RC3H2: variants seen among roughly 807,000 people sequenced by gnomAD.
RC3H2 encodes roquin-2.
A neutral mutation model predicts 133.3 loss-of-function variants in RC3H2; 31 were observed. The ratio of observed to expected loss-of-function variants is 0.23; its 90% CI spans 0.17 to 0.31. RC3H2 has a LOEUF of 0.31. Ranked by LOEUF, RC3H2 falls within the 10% of genes least tolerant of loss-of-function variation. The pLI is 1.00. For synonymous variants in RC3H2, 517 were observed against 502.2 expected, an observed-to-expected ratio of 1.03 and a Z score of -0.40; for missense variants, 1,175 against 1,437.2, an observed-to-expected ratio of 0.82 and a Z score of 2.95.
At chr9:122,865,291 T>G in intron 10 of RC3H2, 58 bp downstream of exon 10, 2 of 1,418,194 alleles carry the variant, frequency 1.4e-6, no homozygotes, top group Non-Finnish European at 1.9e-6. Context: ...ATAAAAACAC[T>G]CAGGCATTTC....
At position 122,897,466 on chromosome 9, in the gene RC3H2, G is replaced by A; in HGVS notation, c.44C>T (p.Pro15Leu). Residue 15 changes from proline to leucine, a missense_variant, in exon 2 of 21, where the codon CCA (proline) becomes CTA (leucine). Pro to Leu is a moderately conservative substitution (Grantham distance 98). This residue lies in a region of RC3H2 where 41 missense variants were observed against 88.0 expected (regional missense o/e 0.47). Coordinates refer to ENST00000357244, the MANE Select transcript of RC3H2 (RefSeq NM_001100588.3). ...AAQWTEFLSC[P>L]ICYNEFDENV... ...CTCATCAAATTCATTATAGCAGATTGGACAGGACAGAAATTCTGTCCATTG... is the reference window on the plus strand; with the variant it reads ...CTCATCAAATTCATTATAGCAGATTAGACAGGACAGAAATTCTGTCCATTG... 1 of 1,614,118 alleles carries A rather than the reference G, an allele frequency of 6.2e-7. No individual in the cohort carries two copies. The highest frequency in any genetic ancestry group is 8.5e-7 in the Non-Finnish European group (1 of 1,179,994).
At chr9:122,862,667 G>A (rs1229106850) in intron 10 of RC3H2, among the ~76,000 whole-genome samples, 1 of 152,114 alleles carries the variant, frequency 6.6e-6, no homozygotes, top group African/African-American at 2.4e-5. Context: ...GGCCAAGGCG[G>A]GCAGATCACT....
rs530711292 is a variant in RC3H2, at chr9:122,858,958, T to C, written c.1994A>G (p.Asp665Gly). The C allele has an allele frequency of 7.1e-5, 114 of 1,614,054 alleles. No individual in the cohort carries two copies. In the East Asian group the frequency reaches 1.8e-3, roughly 26 times the overall value. Residue 665 changes from aspartate (D) to glycine (G), a missense_variant, in exon 12 of 21, where the codon GAT becomes GGT. Physicochemically the swap from Asp to Gly is moderately conservative, Grantham distance 94. Transcript: ENST00000357244. ...CTGGTAAGGAGAAGAATTCATTCGA[T>C]CTCGAGGGGAAAATGTACTGTAATG... Reference protein sequence around the residue: ...ADHYSTFSPRDRMNSSPYQPP... With the variant: ...ADHYSTFSPRGRMNSSPYQPP...
At chr9:122,880,354 GAT>G in intron 6 of RC3H2, 1 of 751,064 alleles carries the variant, frequency 1.3e-6, no homozygotes, top group South Asian at 1.5e-5. Flanking sequence ...TCAGAATATA[GAT>G]AAATTTGAGA....
At chr9:122,852,504 T>G (rs1284143219) in intron 18 of RC3H2, among the ~76,000 whole-genome samples, 2 of 87,340 alleles carry the variant, frequency 2.3e-5, no homozygotes, top group African/African-American at 4.7e-5. Context: ...CCCCTCTGCC[T>G]AGCCAGCCGC....
intron 18 of RC3H2, among the ~76,000 whole-genome samples, chr9:122,852,664 T>C (rs542510741): frequency 3.9e-4 from 55 of 141,974 alleles, no homozygotes; most frequent in African/African-American, 5.3e-4. Context: ...CCAGCCGCCC[T>C]GTCCGGGAGG....
intron 1 of RC3H2, among the ~76,000 whole-genome samples, chr9:122,902,848 CAAA>C (rs56346835): frequency 2.4e-5 from 2 of 84,530 alleles, no homozygotes; most frequent in Non-Finnish European, 5.4e-5. Context: ...GAGACTGTCT[CAAA>C]AAAAAAAAAA....
At chr9:122,854,736 C>T (rs1425041497) in intron 15 of RC3H2, 121 bp from the exon 16 acceptor site, 1 of 692,664 alleles carries the variant, frequency 1.4e-6, no homozygotes, top group East Asian at 2.7e-5. Flanking sequence ...GCTGGTTAAA[C>T]ACCTAATTCT....
chr9:122,868,298 A>C (rs2131420082), intron 9 of RC3H2, among the ~76,000 whole-genome samples: 1 of 152,366 alleles, frequency 6.6e-6, no homozygotes, highest in African/African-American at 2.4e-5. Context: ...GTGGAATAGA[A>C]AGGGGGCAAA....
intron 9 of RC3H2, among the ~76,000 whole-genome samples, chr9:122,872,572 A>AG (rs1831145298): frequency 6.6e-6 from 1 of 152,190 alleles, no homozygotes. Context: ...CATCTTGAAT[A>AG]GTAACCAGTA....
At chr9:122,855,018 G>T (rs1823449) in intron 15 of RC3H2, among the ~76,000 whole-genome samples, 166 bp downstream of exon 15, 32,718 of 151,722 alleles carry the variant, frequency 0.22, 4,975 homozygotes, top group East Asian at 0.65. Context: ...GGGAGGCTGA[G>T]GCAGGAGAAT....
At chr9:122,893,669 T>C (rs1323787005) in intron 2 of RC3H2, among the ~76,000 whole-genome samples, 2 of 152,196 alleles carry the variant, frequency 1.3e-5, no homozygotes, top group African/African-American at 4.8e-5. Context: ...GTTCTCTGAA[T>C]AGTATTTTTT....
chr9:122,876,729 AAAC>A (rs1831355985), intron 9 of RC3H2, among the ~76,000 whole-genome samples: 1 of 152,194 alleles, frequency 6.6e-6, no homozygotes, highest in Non-Finnish European at 1.5e-5. Context: ...TTAAAAAACA[AAAC>A]AACAAAAATT....
In RC3H2 at chr9:122,859,074, T is replaced by G; in HGVS notation, c.1878A>C (p.Pro626=). ...TGYYPPPPTV[P]AGVAPCVPRF... ...GAGGAACACAGGGAGCCACACCAGCTGGTACCGTTGGAGGTGGTGGATAGT... is the reference window on the plus strand; with the variant it reads ...GAGGAACACAGGGAGCCACACCAGCGGGTACCGTTGGAGGTGGTGGATAGT... The change falls in exon 12 of 21, where the codon CCA becomes CCC. Residue 626 remains proline (P), a synonymous_variant. Coordinates refer to ENST00000357244, the MANE Select transcript of RC3H2 (RefSeq NM_001100588.3). The G allele has an allele frequency of 1.9e-6, 3 of 1,593,624 alleles. No individual in the cohort carries two copies. Among genetic ancestry groups the G allele is most frequent in the Non-Finnish European group, 2.6e-6 (3 of 1,167,190 alleles).
At position 122,897,024 on chromosome 9, in the gene RC3H2, T is replaced by TAA. The variant is rs139505008; in HGVS notation, c.231+253_231+254dup. On this transcript the variant is annotated intron_variant, in intron 2 of 20. Coordinates refer to ENST00000357244, the MANE Select transcript of RC3H2 (RefSeq NM_001100588.3). ...CTGGGTGACAGAGTGAGACTCTGTC[T>TAA]AAAAAAAAAAAAAAAAAAAAAAAAA... Among the ~76,000 whole-genome samples the TAA allele has an allele frequency of 2.9e-3, 109 of 37,050 alleles. 6 individuals are homozygous for TAA. The highest frequency in any genetic ancestry group is 8.3e-3 in the African/African-American group (87 of 10,466). The allele number at this position is 37,050 out of a possible 152,430, so 24.3% of individuals were successfully genotyped here.
intron 4 of RC3H2, among the ~76,000 whole-genome samples, chr9:122,889,034 C>T (rs987137768): frequency 1.3e-5 from 2 of 152,094 alleles, no homozygotes; most frequent in Non-Finnish European, 2.9e-5. Flanking sequence ...GTATTTCTTG[C>T]ATCTTTTGTC....
chr9:122,897,024 T>TTA (rs1832449971), intron 2 of RC3H2, among the ~76,000 whole-genome samples: 3 of 37,058 alleles, frequency 8.1e-5, no homozygotes, highest in East Asian at 7.9e-4. Context: ...AGACTCTGTC[T>TTA]AAAAAAAAAA....
intron 4 of RC3H2, 92 bp downstream of exon 4, chr9:122,890,220 C>T (rs772307332): frequency 2.2e-5 from 19 of 855,718 alleles, no homozygotes; most frequent in East Asian, 7.8e-5. Flanking sequence ...CATATAAAGA[C>T]GGGTTGAGTC....
intron 10 of RC3H2, among the ~76,000 whole-genome samples, chr9:122,860,527 C>A (rs1195785795): frequency 6.6e-6 from 1 of 151,228 alleles, no homozygotes; most frequent in Non-Finnish European, 1.5e-5. Context: ...AATCCTCCCA[C>A]CTCAGCCTCC....
Sources: allele counts gnomAD v4.1 joint callset (sites outside exome capture counted in the v4.1 genomes callset), GRCh38; gene constraint gnomAD v4.1.1; regional missense constraint gnomAD v4.1.1; transcripts MANE v1.5; gene names NCBI Gene and HGNC (gene_info 2026-07-23, HGNC 2026-07-21).